Variants in KIF21B observed in about 807,000 individuals in gnomAD.
The protein encoded by KIF21B is kinesin family member 21B.
Under a neutral mutation model 192.9 loss-of-function variants are expected in KIF21B, and 85 were observed. The ratio of observed to expected loss-of-function variants is 0.44; its 90% CI spans 0.37 to 0.53. The LOEUF (loss-of-function observed/expected upper bound fraction) is 0.53, where lower values mean the gene tolerates loss of function less well. Ranked by LOEUF, KIF21B falls within the 20% of genes least tolerant of loss-of-function variation. KIF21B has a pLI of 0.00. For missense variants in KIF21B, 1,716 were observed against 2,194.8 expected, an observed-to-expected ratio of 0.78 and a Z score of 4.36; for synonymous variants, 832 against 884.6, an observed-to-expected ratio of 0.94 and a Z score of 1.05.
chr1:200,976,433 T>A (rs1362547442), intron 32 of KIF21B, among the ~76,000 whole-genome samples: 7 of 152,236 alleles, frequency 4.6e-5, no homozygotes, highest in Non-Finnish European at 8.8e-5. Flanking sequence ...CAGTTTTCAA[T>A]GGCATAATCA....
At position 200,982,142 on chromosome 1, in the gene KIF21B, C is replaced by G. The variant is rs1475083717; in HGVS notation, c.3842+914G>C. Among the ~76,000 whole-genome samples, 1 of 152,162 alleles carries G rather than the reference C, an allele frequency of 6.6e-6. No homozygotes were observed. The highest frequency in any genetic ancestry group is 1.5e-5 in the Non-Finnish European group (1 of 68,030). ...GTCCAGCTGCCAGCCAGGTGCCACA[C>G]ATGCACAAATAGCTCCCCAAGCTGC... On this transcript the variant is annotated intron_variant, in intron 28 of 34. Transcript: ENST00000461742. This position sits in a 1 kb window ranked among gnomAD's most constrained non-coding sequence, Gnocchi z 4.7.
At chr1:200,977,491 T>C (rs1655634377) in intron 30 of KIF21B, 115 bp from the exon 31 acceptor site, 1 of 1,270,772 alleles carries the variant, frequency 7.9e-7, no homozygotes, top group East Asian at 2.4e-5. Flanking sequence ...CCAGGAAGTC[T>C]TCCTTGACTG....
chr1:201,002,710 G>A (rs916152019), intron 8 of KIF21B: 4 of 231,788 alleles, frequency 1.7e-5, no homozygotes, highest in East Asian at 9.4e-5. Context: ...CTGGTTGTAA[G>A]ACAATAGGGA....
intron 1 of KIF21B, among the ~76,000 whole-genome samples, chr1:201,011,955 G>A (rs970065147): frequency 2.0e-5 from 3 of 152,262 alleles, no homozygotes; most frequent in African/African-American, 7.2e-5. Context: ...GCCCTTCAAT[G>A]AGAGGGGCAG....
chr1:201,020,808 T>TACACACACACACACACACACACAC (rs60686711), intron 1 of KIF21B, among the ~76,000 whole-genome samples: 32 of 142,916 alleles, frequency 2.2e-4, no homozygotes, highest in African/African-American at 7.8e-4. Flanking sequence ...CTCTCTCCTC[T>TACACACACACACACACACACACAC]ACACACACAC....
At chr1:201,022,608 C>T (rs1262040119) in intron 1 of KIF21B, among the ~76,000 whole-genome samples, 2 of 152,198 alleles carry the variant, frequency 1.3e-5, no homozygotes, top group East Asian at 3.8e-4. Flanking sequence ...GGCTCAAGTC[C>T]CGGAGCTGTT....
intron 17 of KIF21B, among the ~76,000 whole-genome samples, chr1:200,991,408 A>G (rs1656686034): frequency 6.6e-6 from 1 of 152,196 alleles, no homozygotes; most frequent in Admixed American, 6.5e-5. Flanking sequence ...GCTCTTGTTG[A>G]GAAAGGCCCT....
Position 200,999,224 on chromosome 1 carries a change from T to C in KIF21B, c.1885+125A>G, listed in dbSNP as rs1657296478. The C allele has an allele frequency of 1.7e-6, 2 of 1,145,450 alleles. No individual in the cohort carries two copies. Among genetic ancestry groups the C allele is most frequent in the Non-Finnish European group, 1.3e-6 (1 of 766,356 alleles). 71.0% of individuals were successfully genotyped at this position (1,145,450 alleles called of 1,614,324 possible). A position where few individuals can be genotyped will look rare whatever the true frequency, so the allele number is the denominator to read the frequency against. On this transcript the variant is annotated intron_variant, in intron 13 of 34. Coordinates refer to ENST00000461742, the MANE Select transcript of KIF21B (RefSeq NM_001252102.2). This position sits in a 1 kb window ranked among gnomAD's most constrained non-coding sequence, Gnocchi z 4.7. ...TTCTCATCATGACTGCCTGTTGTCA[T>C]TGGTTTCACGTCTGGGAGTGCTGGG...
chr1:201,019,320 T>C (rs1212613329), intron 1 of KIF21B, among the ~76,000 whole-genome samples: 1 of 152,228 alleles, frequency 6.6e-6, no homozygotes, highest in African/African-American at 2.4e-5. Context: ...AAAGATTTTA[T>C]GTCCGTCTTC....
chr1:200,971,673 C>T lies in KIF21B; in HGVS notation c.*1848G>A, dbSNP rs1384781247. 1 of 152,392 alleles carries T rather than the reference C, an allele frequency of 6.6e-6. No homozygotes were observed. Among genetic ancestry groups the T allele is most frequent in the Non-Finnish European group, 1.5e-5 (1 of 68,108 alleles). The allele number at this position is 152,392 out of a possible 1,614,324, so 9.4% of individuals were successfully genotyped here. Reference sequence around the variant, plus strand: ...CCATTGCTGACAGACTGTTCAGGTCCCAGGAGACCAGCATCCAAGGGGGTC... The same window carrying T: ...CCATTGCTGACAGACTGTTCAGGTCTCAGGAGACCAGCATCCAAGGGGGTC... On this transcript the variant is annotated 3_prime_UTR_variant, in exon 35 of 35. Coordinates refer to ENST00000461742, the MANE Select transcript of KIF21B (RefSeq NM_001252102.2).
chr1:200,992,236 G>A, intron 16 of KIF21B, 46 bp downstream of exon 16: 13 of 1,568,298 alleles, frequency 8.3e-6, no homozygotes, highest in South Asian at 1.1e-5. Context: ...GAGGCTGGGA[G>A]TGCTAGGGCC....
In KIF21B at chr1:200,972,465, C is replaced by G. The variant is rs959854217; in HGVS notation, c.*1056G>C. The G allele has an allele frequency of 6.6e-6, 1 of 152,288 alleles. No individual in the cohort carries two copies. The highest frequency in any genetic ancestry group is 6.5e-5 in the Admixed American group (1 of 15,290). 9.4% of individuals were successfully genotyped at this position (152,288 alleles called of 1,614,324 possible). On this transcript the variant is annotated 3_prime_UTR_variant, in exon 35 of 35. Coordinates refer to ENST00000461742, the MANE Select transcript of KIF21B (RefSeq NM_001252102.2). ...CACGCAGGACTGTGGGGCAGAACCCCGGGGCCTGGGCTGTGGGGTGAGCGC... is the reference window on the plus strand; with the variant it reads ...CACGCAGGACTGTGGGGCAGAACCCGGGGGCCTGGGCTGTGGGGTGAGCGC...
chr1:201,007,045 CAT>C (rs1422270010), intron 3 of KIF21B, among the ~76,000 whole-genome samples: 3 of 141,498 alleles, frequency 2.1e-5, no homozygotes, highest in African/African-American at 5.5e-5. Context: ...CACAGAGACA[CAT>C]AGACACACAC....
chr1:200,977,678 T>G (rs761100107), intron 30 of KIF21B, among the ~76,000 whole-genome samples: 1 of 148,340 alleles, frequency 6.7e-6, no homozygotes, highest in Non-Finnish European at 1.5e-5. Flanking sequence ...AATCAACCTC[T>G]CTGAGTCTCG....
rs1393506945 is a variant in KIF21B at position 200,970,165 on chromosome 1, A to T, written c.*3356T>A. 3.3e-5 allele frequency: 5 copies of T among 152,906 alleles called. No individual in the cohort carries two copies. Among genetic ancestry groups the T allele is most frequent in the Admixed American group, 2.6e-4 (4 of 15,290 alleles). The allele number at this position is 152,906 out of a possible 1,614,324, so 9.5% of individuals were successfully genotyped here. A position where few individuals can be genotyped will look rare whatever the true frequency, so the allele number is the denominator to read the frequency against. ...AGAGCTGAGAGCTAGCAGGGCAAAG[A>T]AGTGTTATGTTCCCTAACGTCACTG... On this transcript the variant is annotated 3_prime_UTR_variant, in exon 35 of 35. Transcript: ENST00000461742.
In KIF21B at chr1:200,973,418, T is replaced by G; in HGVS notation, c.*103A>C. 7.4e-7 allele frequency: 1 copy of G among 1,342,678 alleles called. No individual in the cohort carries two copies. 83.2% of individuals were successfully genotyped at this position (1,342,678 alleles called of 1,614,324 possible). Reference sequence around the variant, plus strand: ...GGGCAGGAGAGGGGGCCACGCCCTCTGTCCCCAGAGCAGCTGGCCCCATCG... The same window carrying G: ...GGGCAGGAGAGGGGGCCACGCCCTCGGTCCCCAGAGCAGCTGGCCCCATCG... On this transcript the variant is annotated 3_prime_UTR_variant, in exon 35 of 35. Transcript: ENST00000461742.
At chr1:200,996,067 T>G (rs1416060743) in intron 15 of KIF21B, 129 bp downstream of exon 15, 4 of 966,180 alleles carry the variant, frequency 4.1e-6, no homozygotes, top group Non-Finnish European at 6.5e-6. Flanking sequence ...AGGGTCAAAC[T>G]AGGTTAATGC....
chr1:200,979,716 CTG>C lies in KIF21B; in HGVS notation c.3980-3_3980-2del. 6.6e-7 allele frequency: 1 copy of C among 1,513,304 alleles called. No individual in the cohort carries two copies. The highest frequency in any genetic ancestry group is 8.9e-7 in the Non-Finnish European group (1 of 1,125,842). 93.7% of individuals were successfully genotyped at this position (1,513,304 alleles called of 1,614,324 possible). On this transcript the variant is annotated splice_acceptor_variant and splice_polypyrimidine_tract_variant and intron_variant, in intron 29 of 34. Transcript: ENST00000461742. LOFTEE classifies it high-confidence loss of function. The stretch of plus-strand genomic sequence containing the variant: ...AAGTTCCACATCTTGCAGCTTCGGT[CTG>C]TGAGAGATGGGAGGAAGCCACAGGG...
chr1:201,011,596 G>A (rs928734520), intron 1 of KIF21B, among the ~76,000 whole-genome samples: 1 of 152,238 alleles, frequency 6.6e-6, no homozygotes, highest in African/African-American at 2.4e-5. Flanking sequence ...GAGGAGCGTG[G>A]CATTGCACAC....
Sources: gnomAD v4.1 joint callset for allele counts (sites outside exome capture counted in the v4.1 genomes callset) on GRCh38, gnomAD v4.1.1 for gene constraint, Gnocchi (gnomAD v3.1) non-coding constraint, MANE v1.5 for transcripts, NCBI Gene and HGNC (gene_info 2026-07-23, HGNC 2026-07-21) for gene names.